Variants in SLC35F4 observed in about 807,000 individuals in gnomAD.
The protein encoded by SLC35F4 is chromosome 14 open reading frame 36.
Under a neutral mutation model 44.2 loss-of-function variants are expected in SLC35F4, and 24 were observed. The observed-to-expected ratio is 0.54, with a 90% CI of 0.39 to 0.76. SLC35F4 has a LOEUF of 0.76. SLC35F4 is among the 30% of genes least tolerant of loss of function. SLC35F4 has a pLI of 0.00. For missense variants in SLC35F4, 562 were observed against 586.1 expected (o/e 0.96, Z 0.42); for synonymous variants, 238 against 223.6 (o/e 1.06, Z -0.57).
chr14:57,887,347 T>C (rs967601048), intron 1 of SLC35F4, among the ~76,000 whole-genome samples: 5 of 152,214 alleles, frequency 3.3e-5, no homozygotes, highest in Non-Finnish European at 7.3e-5. Context: ...TGGCTCAGAA[T>C]GCTCTCCTCA....
intron 1 of SLC35F4, among the ~76,000 whole-genome samples, chr14:57,797,771 C>G (rs987338380): frequency 2.0e-5 from 3 of 152,124 alleles, no homozygotes; most frequent in Non-Finnish European, 4.4e-5. Flanking sequence ...AAGTAGAATT[C>G]TTGCTCTCAA....
chr14:57,889,662 A>G (rs946950211), intron 1 of SLC35F4, among the ~76,000 whole-genome samples: 1 of 152,242 alleles, frequency 6.6e-6, no homozygotes, highest in African/African-American at 2.4e-5. Context: ...CAAAAGACAT[A>G]TAATATAGAT....
intron 1 of SLC35F4, among the ~76,000 whole-genome samples, chr14:57,658,744 A>G (rs965194929): frequency 6.6e-6 from 1 of 152,168 alleles, no homozygotes. Context: ...CTACAGATAT[A>G]TGGATGTCAC....
At chr14:57,768,162 C>A (rs1300478256) in intron 1 of SLC35F4, among the ~76,000 whole-genome samples, 1 of 152,042 alleles carries the variant, frequency 6.6e-6, no homozygotes, top group Non-Finnish European at 1.5e-5. Flanking sequence ...ATCATGACAC[C>A]AACACGAGAT....
chr14:57,756,295 C>A (rs572952526), intron 1 of SLC35F4, among the ~76,000 whole-genome samples: 7 of 152,108 alleles, frequency 4.6e-5, no homozygotes, highest in Admixed American at 6.6e-5. Context: ...TCATTCAGTG[C>A]AAATTTCAAA....
At chr14:57,846,812 C>T (rs1886069498) in intron 1 of SLC35F4, among the ~76,000 whole-genome samples, 1 of 152,182 alleles carries the variant, frequency 6.6e-6, no homozygotes, top group Non-Finnish European at 1.5e-5. Context: ...CAGGGGGTTT[C>T]AGAGAGTTAG....
chr14:57,965,993 A>G (rs1366699819), intron 1 of SLC35F4, among the ~76,000 whole-genome samples: 1 of 152,258 alleles, frequency 6.6e-6, no homozygotes, highest in Non-Finnish European at 1.5e-5. Context: ...AGTAACTGCC[A>G]GTAGGACCCA....
chr14:57,648,347 A>G (rs1170866625), intron 1 of SLC35F4, among the ~76,000 whole-genome samples: 1 of 152,228 alleles, frequency 6.6e-6, no homozygotes, highest in Non-Finnish European at 1.5e-5. Flanking sequence ...CTAAAACAAA[A>G]TAATTTTTAA....
At chr14:57,689,498 C>T (rs985002512) in intron 1 of SLC35F4, among the ~76,000 whole-genome samples, 1 of 152,076 alleles carries the variant, frequency 6.6e-6, no homozygotes, top group Non-Finnish European at 1.5e-5. Flanking sequence ...ACCCTGCTCC[C>T]GGTCTCACTG....
intron 1 of SLC35F4, among the ~76,000 whole-genome samples, chr14:57,860,057 A>C (rs1887550003): frequency 6.6e-6 from 1 of 152,192 alleles, no homozygotes; most frequent in Non-Finnish European, 1.5e-5. Context: ...CCATGGGATT[A>C]AATGAGCTCA....
intron 1 of SLC35F4, among the ~76,000 whole-genome samples, chr14:57,664,690 C>G (rs142554185): frequency 6.6e-6 from 1 of 152,136 alleles, no homozygotes; most frequent in Non-Finnish European, 1.5e-5. Context: ...GGATTACAGG[C>G]GTAAGCCACT....
chr14:57,607,751 G>C (rs903929815), intron 1 of SLC35F4, among the ~76,000 whole-genome samples: 1 of 152,226 alleles, frequency 6.6e-6, no homozygotes, highest in Non-Finnish European at 1.5e-5. Context: ...ACTTGAGGTA[G>C]AATGACTTGT....
At chr14:57,695,002 G>A (rs945928223) in intron 1 of SLC35F4, among the ~76,000 whole-genome samples, 9 of 151,758 alleles carry the variant, frequency 5.9e-5, no homozygotes, top group Middle Eastern at 3.2e-3. Context: ...TTCTTTACAC[G>A]TTATACAAAG....
chr14:57,887,667 A>G (rs1470064152), intron 1 of SLC35F4, among the ~76,000 whole-genome samples: 1 of 152,160 alleles, frequency 6.6e-6, no homozygotes. Context: ...CCTGCTGTCA[A>G]GGGAGCTGCT....
intron 1 of SLC35F4, among the ~76,000 whole-genome samples, chr14:57,801,764 A>G (rs897832030): frequency 1.3e-5 from 2 of 152,358 alleles, no homozygotes; most frequent in Admixed American, 6.5e-5. Flanking sequence ...TAAAGGGTTC[A>G]ATTCAACAAG....
intron 1 of SLC35F4, among the ~76,000 whole-genome samples, chr14:57,656,916 C>A (rs1355659020): frequency 6.6e-6 from 1 of 152,164 alleles, no homozygotes; most frequent in East Asian, 1.9e-4. Context: ...ACCATCATGA[C>A]TATATCCATT....
chr14:57,835,294 C>T (rs1311967638), intron 1 of SLC35F4, among the ~76,000 whole-genome samples: 1 of 152,186 alleles, frequency 6.6e-6, no homozygotes, highest in Non-Finnish European at 1.5e-5. Context: ...TCCAGTGAGT[C>T]CTTGCAGTTC....
chr14:57,933,886 CG>C lies in SLC35F4; in HGVS notation n.282+48026del, dbSNP rs537203856. 6.8e-4 allele frequency among the ~76,000 whole-genome samples: 104 copies of C among 151,988 alleles called. 1 individual carries two copies. The highest frequency in any genetic ancestry group is 2.4e-3 in the African/African-American group (99 of 41,458). ...CCTGGAGCAAAAAAAAGTCTTGACACGAAAAAATATATATAATTAAAATACC... is the reference window on the plus strand; with the variant it reads ...CCTGGAGCAAAAAAAAGTCTTGACACAAAAAATATATATAATTAAAATACC... On this transcript the variant is annotated intron_variant and non_coding_transcript_variant, in intron 1 of 1. Coordinates refer to the SLC35F4 transcript ENST00000556568.
intron 1 of SLC35F4, among the ~76,000 whole-genome samples, chr14:57,746,729 G>A (rs2076764245): frequency 6.6e-6 from 1 of 152,152 alleles, no homozygotes; most frequent in African/African-American, 2.4e-5. Flanking sequence ...TGGTTGATTG[G>A]TTGTTTTTGC....
Sources: gnomAD v4.1 joint callset for allele counts (sites outside exome capture counted in the v4.1 genomes callset) on GRCh38, gnomAD v4.1.1 for gene constraint, MANE v1.5 for transcripts, NCBI Gene and HGNC (gene_info 2026-07-23, HGNC 2026-07-21) for gene names.